WDR49: variants seen among roughly 807,000 people sequenced by gnomAD.
WDR49 encodes the protein cilia- and flagella-associated protein 337.
WDR49 carries 107 observed loss-of-function variants against 119.5 expected under a neutral mutation model. That is an observed-to-expected ratio of 0.90 (90% CI 0.77 to 1.05). The LOEUF is 1.05. Ranked by LOEUF, WDR49 falls within the 50% of genes least tolerant of loss-of-function variation. The pLI is 0.00. For missense variants in WDR49, 1,240 were observed against 1,220.5 expected, an observed-to-expected ratio of 1.02 and a Z score of -0.24; for synonymous variants, 425 against 418.8, an observed-to-expected ratio of 1.01 and a Z score of -0.18.
intron 2 of WDR49, among the ~76,000 whole-genome samples, chr3:167,637,935 A>G (rs2108337202): frequency 6.6e-6 from 1 of 151,676 alleles, no homozygotes; most frequent in Non-Finnish European, 1.5e-5. Context: ...TCATCAGCAA[A>G]CAGCAACAGT....
intron 7 of WDR49, among the ~76,000 whole-genome samples, chr3:167,595,456 T>G (rs558581922): frequency 1.3e-5 from 2 of 152,300 alleles, no homozygotes; most frequent in African/African-American, 2.4e-5. Flanking sequence ...TCACACTACC[T>G]GACTTCAAAC....
chr3:167,564,462 T>C (rs1413644957), intron 8 of WDR49, among the ~76,000 whole-genome samples: 1 of 152,248 alleles, frequency 6.6e-6, no homozygotes, highest in African/African-American at 2.4e-5. Flanking sequence ...GAACTATTTT[T>C]GGCAAGTTGT....
At chr3:167,606,183 T>TA (rs1716055081) in intron 5 of WDR49, among the ~76,000 whole-genome samples, 1 of 152,106 alleles carries the variant, frequency 6.6e-6, no homozygotes, top group Non-Finnish European at 1.5e-5. Flanking sequence ...CTCTAGAGAG[T>TA]ATGTTAATCC....
intron 8 of WDR49, among the ~76,000 whole-genome samples, chr3:167,572,000 T>C (rs1208089531): frequency 6.6e-6 from 1 of 152,214 alleles, no homozygotes; most frequent in Non-Finnish European, 1.5e-5. Context: ...AAGTATATTA[T>C]CTATTCTAGT....
intron 16 of WDR49, among the ~76,000 whole-genome samples, chr3:167,508,005 A>G (rs1036542422): frequency 6.6e-6 from 1 of 152,206 alleles, no homozygotes; most frequent in African/African-American, 2.4e-5. Flanking sequence ...AAAATGCCTT[A>G]GTAGGTGATG....
intron 5 of WDR49, among the ~76,000 whole-genome samples, chr3:167,618,093 C>T (rs901273990): frequency 7.2e-6 from 1 of 139,332 alleles, no homozygotes; most frequent in Non-Finnish European, 1.6e-5. Flanking sequence ...CATCATTGTG[C>T]CTGCTTGTCT....
chr3:167,503,109 A>G (rs910107602), intron 17 of WDR49, among the ~76,000 whole-genome samples: 1 of 152,228 alleles, frequency 6.6e-6, no homozygotes, highest in African/African-American at 2.4e-5. Context: ...CTGTGGCTCA[A>G]AGGGCCCCAG....
chr3:167,586,712 C>T (rs940074672), intron 7 of WDR49, among the ~76,000 whole-genome samples: 4 of 152,126 alleles, frequency 2.6e-5, no homozygotes, highest in Non-Finnish European at 5.9e-5. Flanking sequence ...AGACTGAGAT[C>T]ACGATGCATT....
At chr3:167,623,073 CTAGATGGCTTCACTGATAAAT>C (rs922472229) in intron 3 of WDR49, among the ~76,000 whole-genome samples, 1 of 151,962 alleles carries the variant, frequency 6.6e-6, no homozygotes, top group Non-Finnish European at 1.5e-5. Flanking sequence ...AAATCCTCAA[CTAGATGGCTTCACTGATAAAT>C]TCCACCAAAC....
intron 8 of WDR49, among the ~76,000 whole-genome samples, chr3:167,569,205 G>A (rs1033354748): frequency 5.3e-5 from 8 of 152,090 alleles, no homozygotes; most frequent in Non-Finnish European, 1.0e-4. Flanking sequence ...GCCTCCCAAA[G>A]TGCTGGGATT....
At chr3:167,550,249 C>A (rs973958413) in intron 10 of WDR49, among the ~76,000 whole-genome samples, 4 of 151,962 alleles carry the variant, frequency 2.6e-5, no homozygotes, top group Admixed American at 6.6e-5. Flanking sequence ...TGGTAGCTTG[C>A]TGGGGAGGGC....
At chr3:167,571,913 C>T (rs1713958990) in intron 8 of WDR49, among the ~76,000 whole-genome samples, 1 of 152,110 alleles carries the variant, frequency 6.6e-6, no homozygotes, top group Admixed American at 6.6e-5. Context: ...CCAAGGTTCC[C>T]AACAAACTGA....
intron 5 of WDR49, among the ~76,000 whole-genome samples, chr3:167,604,939 A>G (rs935242775): frequency 3.9e-5 from 6 of 152,156 alleles, no homozygotes; most frequent in African/African-American, 1.2e-4. Flanking sequence ...TGCTTCACAA[A>G]AAGAGCATCC....
chr3:167,630,193 C>G (rs1559924566), intron 2 of WDR49, among the ~76,000 whole-genome samples: 1 of 152,120 alleles, frequency 6.6e-6, no homozygotes, highest in Non-Finnish European at 1.5e-5. Context: ...CCACAGCCGT[C>G]TCAATCGTCA....
chr3:167,580,640 T>C (rs1714484914), intron 7 of WDR49, among the ~76,000 whole-genome samples: 1 of 152,164 alleles, frequency 6.6e-6, no homozygotes, highest in Non-Finnish European at 1.5e-5. Flanking sequence ...GTAATTGTAT[T>C]CCCCTTCTTT....
chr3:167,508,489 C>T (rs1231098415), intron 16 of WDR49, among the ~76,000 whole-genome samples: 1 of 152,078 alleles, frequency 6.6e-6, no homozygotes, highest in Non-Finnish European at 1.5e-5. Context: ...ACATAAAGAC[C>T]TTAGAACAGG....
chr3:167,599,425 GCT>G (rs1715651775), intron 7 of WDR49, among the ~76,000 whole-genome samples: 1 of 152,040 alleles, frequency 6.6e-6, no homozygotes, highest in Non-Finnish European at 1.5e-5. Context: ...AAGGATTAAG[GCT>G]CTTCAGTCAG....
At chr3:167,520,080 T>TGTG (rs1752379858) in intron 16 of WDR49, among the ~76,000 whole-genome samples, 2 of 41,572 alleles carry the variant, frequency 4.8e-5, no homozygotes, top group African/African-American at 3.0e-4. Flanking sequence ...AAGAAAAAAA[T>TGTG]GTGTGTGTGT....
At chr3:167,585,191 C>T (rs1714741323) in intron 7 of WDR49, among the ~76,000 whole-genome samples, 1 of 152,024 alleles carries the variant, frequency 6.6e-6, no homozygotes, top group African/African-American at 2.4e-5. Flanking sequence ...ATCAGGTTCA[C>T]ACACAAAAAT....
Sources: allele counts gnomAD v4.1 joint callset (sites outside exome capture counted in the v4.1 genomes callset), GRCh38; gene constraint gnomAD v4.1.1; transcripts MANE v1.5; gene names NCBI Gene and HGNC (gene_info 2026-07-23, HGNC 2026-07-21).